Variants in UTP20 observed in about 807,000 individuals in gnomAD.
UTP20 encodes the protein UTP20 small subunit processome component.
Under a neutral mutation model 329.5 loss-of-function variants are expected in UTP20, and 164 were observed. The observed-to-expected ratio is 0.50, with a 90% CI of 0.44 to 0.57. UTP20 has a LOEUF of 0.57. Ranked by LOEUF, UTP20 falls within the 20% of genes least tolerant of loss-of-function variation. The pLI is 0.00. For synonymous variants in UTP20, 1,151 were observed against 1,159.3 expected, an observed-to-expected ratio of 0.99 and a Z score of 0.14; for missense variants, 3,055 against 3,284.2, an observed-to-expected ratio of 0.93 and a Z score of 1.71.
At chr12:101,307,505 T>C (rs79896107) in intron 17 of UTP20, among the ~76,000 whole-genome samples, 158 of 152,172 alleles carry the variant, frequency 1.0e-3, no homozygotes, top group African/African-American at 3.6e-3. Context: ...TCCTTCTGAG[T>C]AGCTGAGATT....
chr12:101,301,995 T>C (rs1480638503), intron 14 of UTP20, among the ~76,000 whole-genome samples: 1 of 152,204 alleles, frequency 6.6e-6, no homozygotes, highest in Non-Finnish European at 1.5e-5. Context: ...GGCACGATCA[T>C]GGCTTACTGC....
intron 55 of UTP20, among the ~76,000 whole-genome samples, chr12:101,375,359 A>G (rs927671759): frequency 6.6e-6 from 1 of 152,132 alleles, no homozygotes; most frequent in Non-Finnish European, 1.5e-5. Flanking sequence ...CCCCCAGGTG[A>G]CATTTGGCAA....
chr12:101,297,873 C>T (rs751591061), intron 12 of UTP20, among the ~76,000 whole-genome samples: 12 of 152,074 alleles, frequency 7.9e-5, no homozygotes, highest in Non-Finnish European at 1.6e-4. Flanking sequence ...AGGAGGGTGA[C>T]GTGTTAAATA....
chr12:101,366,493 C>G, intron 46 of UTP20, 65 bp from the exon 47 acceptor site: 1 of 1,550,218 alleles, frequency 6.5e-7, no homozygotes, highest in Non-Finnish European at 8.7e-7. Context: ...AGAAGGGCCA[C>G]TCTAACTTCT....
chr12:101,281,652 A>G (rs772167355), intron 2 of UTP20, among the ~76,000 whole-genome samples: 2 of 152,018 alleles, frequency 1.3e-5, no homozygotes, highest in African/African-American at 2.4e-5. Flanking sequence ...ACTACATAAT[A>G]TTTTCCAGTT....
In UTP20 at chr12:101,342,597, C is replaced by T. The variant is rs764477949; in HGVS notation, c.4245+8C>T. The T allele has an allele frequency of 1.9e-6, 3 of 1,599,800 alleles. No homozygotes were observed. Among genetic ancestry groups the T allele is most frequent in the Admixed American group, 1.8e-5 (1 of 56,044 alleles). ...CTTTGTACGGTTTTTGAGGTCTGTA[C>T]TATTCATTTTTACTCCAAATCACCC... is the stretch of plus-strand genomic sequence containing the variant. On this transcript the variant is annotated splice_region_variant and intron_variant, in intron 33 of 61. Coordinates refer to ENST00000261637, the MANE Select transcript of UTP20 (RefSeq NM_014503.3).
chr12:101,291,563 GAC>G, intron 8 of UTP20, 177 bp from the exon 9 acceptor site: 2 of 179,656 alleles, frequency 1.1e-5, no homozygotes, highest in South Asian at 1.5e-4. Flanking sequence ...AAAAAAAAAA[GAC>G]TTAGAACAAT....
At chr12:101,367,835 G>A in intron 47 of UTP20, 25 bp from the exon 48 acceptor site, 1 of 1,523,370 alleles carries the variant, frequency 6.6e-7, no homozygotes. Flanking sequence ...CAACTAATGT[G>A]AAATACCTGT....
At chr12:101,358,735 C>CT (rs1189270280) in intron 43 of UTP20, among the ~76,000 whole-genome samples, 2 of 151,834 alleles carry the variant, frequency 1.3e-5, no homozygotes, top group African/African-American at 2.4e-5. Flanking sequence ...GTTTTCTTTT[C>CT]TTTTTTTTCC....
rs373556740 is a variant in UTP20 at position 101,308,227 on chromosome 12, C to T, written c.2038C>T (p.Arg680Cys). The T allele has an allele frequency of 6.1e-4, 980 of 1,612,284 alleles. 11 individuals are homozygous for T. In the South Asian group the frequency reaches 9.3e-3, roughly 15 times the overall value. ...GCGGCAGTCTGTCTTTGCTATATTA[C>T]GCCAGGCAGAACTTGTTCCAGCAAC... ...SERQSVFAIL[R>C]QAELVPATVN... is the part of the protein sequence containing the mutation. Residue 680 changes from arginine (R) to cysteine (C), a missense_variant, in exon 18 of 62, where the codon CGC (arginine) becomes TGC (cysteine). By Grantham distance (180) the Arg-to-Cys change is radical. Coordinates refer to ENST00000261637, the MANE Select transcript of UTP20 (RefSeq NM_014503.3).
intron 2 of UTP20, among the ~76,000 whole-genome samples, chr12:101,283,707 T>A (rs1056767855): frequency 2.6e-5 from 4 of 152,150 alleles, no homozygotes; most frequent in African/African-American, 4.8e-5. Flanking sequence ...AACAAAAAAA[T>A]TTTAATATTT....
chr12:101,364,456 A>G (rs1046562978), intron 45 of UTP20, among the ~76,000 whole-genome samples: 3 of 152,166 alleles, frequency 2.0e-5, no homozygotes, highest in Non-Finnish European at 4.4e-5. Flanking sequence ...CAAATAAGAA[A>G]ATTCAGGCTT....
In UTP20 at chr12:101,383,026, CG is replaced by C. The variant is rs757141289; in HGVS notation, c.7657-14del. On this transcript the variant is annotated splice_polypyrimidine_tract_variant and intron_variant, in intron 58 of 61. Transcript: ENST00000261637. ...CAATGTCCAATTTCTTCCCCCACCC[CG>C]TTTTTTTTTAAAGGTTGTTAAGAAT... The C allele has an allele frequency of 6.3e-7, 1 of 1,577,716 alleles. No homozygotes were observed. The highest frequency in any genetic ancestry group is 8.6e-7 in the Non-Finnish European group (1 of 1,166,280).
chr12:101,355,162 GT>G (rs1565802771), intron 41 of UTP20, 44 bp downstream of exon 41: 1 of 1,581,476 alleles, frequency 6.3e-7, no homozygotes, highest in East Asian at 2.2e-5. Context: ...GTGAATTCTG[GT>G]GTTGGTGGAG....
intron 24 of UTP20, 127 bp from the exon 25 acceptor site, chr12:101,321,377 G>C: frequency 7.6e-7 from 1 of 1,321,898 alleles, no homozygotes; most frequent in Non-Finnish European, 1.0e-6. Context: ...TTTCCTTTAT[G>C]GATATCAACC....
Position 101,355,021 on chromosome 12 carries a change from C to T in UTP20, c.5297C>T (p.Pro1766Leu). Residue 1766 changes from proline to leucine, a missense_variant, in exon 41 of 62, where the codon CCT (proline) becomes CTT (leucine). Transcript: ENST00000261637. ...ATCACAAAGCCTGTCTCTTTCCTTC[C>T]TCAAAACAAGGAAGAAATAGAGAGA... ...ECITKPVSFL[P>L]QNKEEIERTI... 6.2e-7 allele frequency: 1 copy of T among 1,614,122 alleles called. No homozygotes were observed. Among genetic ancestry groups the T allele is most frequent in the Non-Finnish European group, 8.5e-7 (1 of 1,180,016 alleles).
rs1425098697 is a variant in UTP20 at position 101,295,476 on chromosome 12, T to C, written c.1252-4T>C. 1 of 1,565,478 alleles carries C rather than the reference T, an allele frequency of 6.4e-7. No homozygotes were observed. Among genetic ancestry groups the C allele is most frequent in the Non-Finnish European group, 8.7e-7 (1 of 1,152,444 alleles). On this transcript the variant is annotated splice_region_variant and splice_polypyrimidine_tract_variant and intron_variant, in intron 11 of 61. Transcript: ENST00000261637. ...AAGTGTGATTTTTTTTTTCTTAACT[T>C]TAGCTTTTTCTACCAAGCTTTCTGT...
chr12:101,297,438 C>G (rs1872392584), intron 12 of UTP20, among the ~76,000 whole-genome samples: 1 of 152,116 alleles, frequency 6.6e-6, no homozygotes, highest in Non-Finnish European at 1.5e-5. Context: ...TGGTCTCAAA[C>G]TCCTGGACTC....
chr12:101,364,138 G>A (rs1000147096), intron 45 of UTP20, among the ~76,000 whole-genome samples: 1 of 152,196 alleles, frequency 6.6e-6, no homozygotes, highest in Non-Finnish European at 1.5e-5. Flanking sequence ...CAAGCATGGT[G>A]GCTCACACCT....
Sources: gnomAD v4.1 joint callset for allele counts (sites outside exome capture counted in the v4.1 genomes callset) on GRCh38, gnomAD v4.1.1 for gene constraint, MANE v1.5 for transcripts, NCBI Gene and HGNC (gene_info 2026-07-23, HGNC 2026-07-21) for gene names.